Variants in AHCYL2 observed in about 807,000 individuals in gnomAD.
AHCYL2 encodes S-adenosylhomocysteine hydrolase-like protein 2.
AHCYL2 carries 28 observed loss-of-function variants against 81.4 expected under a neutral mutation model. The ratio of observed to expected loss-of-function variants is 0.34; its 90% CI spans 0.25 to 0.47. The LOEUF is 0.47. AHCYL2 is among the 20% of genes least tolerant of loss of function. The pLI is 1.00. For synonymous variants in AHCYL2, 272 were observed against 290.2 expected, an observed-to-expected ratio of 0.94 and a Z score of 0.64; for missense variants, 551 against 785.1, an observed-to-expected ratio of 0.70 and a Z score of 3.56.
chr7:129,228,923 A>G (rs1020161063), intron 1 of AHCYL2, among the ~76,000 whole-genome samples: 36 of 152,218 alleles, frequency 2.4e-4, no homozygotes, highest in African/African-American at 7.0e-4. Context: ...TAGAGTACTA[A>G]AATGGAATGT....
intron 1 of AHCYL2, among the ~76,000 whole-genome samples, chr7:129,239,777 C>G (rs911813043): frequency 6.6e-6 from 1 of 151,834 alleles, no homozygotes. Flanking sequence ...TATATAGAGA[C>G]AGACACACCG....
intron 1 of AHCYL2, among the ~76,000 whole-genome samples, chr7:129,371,859 G>A (rs137998755): frequency 6.6e-6 from 1 of 152,306 alleles, no homozygotes; most frequent in African/African-American, 2.4e-5. Flanking sequence ...TAGGTAAAGA[G>A]TTAGTTCAAG....
intron 5 of AHCYL2, among the ~76,000 whole-genome samples, chr7:129,399,585 G>C (rs978715577): frequency 6.6e-5 from 10 of 152,092 alleles, no homozygotes; most frequent in African/African-American, 2.4e-4. Context: ...AACACGTAAG[G>C]GTTTTTTTCT....
Position 129,368,284 on chromosome 7 carries a change from G to C in AHCYL2, c.364-11354G>C, listed in dbSNP as rs1170679937. The stretch of plus-strand genomic sequence containing the variant: ...TTTGAAATCAGACACAGAAGGCTTT[G>C]AAGCCGGCCAGTAAGGGGTTGTCAG... On this transcript the variant is annotated intron_variant, in intron 1 of 16. Coordinates refer to ENST00000325006, the MANE Select transcript of AHCYL2 (RefSeq NM_015328.4). The surrounding 1 kb of genome is among the most constrained non-coding windows in gnomAD (Gnocchi z 4.4). 3.5e-6 allele frequency: 5 copies of C among 1,418,840 alleles called. No homozygotes were observed. Among genetic ancestry groups the C allele is most frequent in the Non-Finnish European group, 4.6e-6 (5 of 1,087,892 alleles). 87.9% of individuals were successfully genotyped at this position (1,418,840 alleles called of 1,614,324 possible). A position where few individuals can be genotyped will look rare whatever the true frequency, so the allele number is the denominator to read the frequency against.
chr7:129,369,510 T>C (rs550584990), intron 1 of AHCYL2, among the ~76,000 whole-genome samples: 474 of 152,204 alleles, frequency 3.1e-3, no homozygotes, highest in Non-Finnish European at 5.6e-3. Flanking sequence ...GGGAGGTTAT[T>C]GCTGTTCTTC....
At chr7:129,254,622 C>T (rs1795349688) in intron 1 of AHCYL2, among the ~76,000 whole-genome samples, 1 of 152,194 alleles carries the variant, frequency 6.6e-6, no homozygotes, top group Non-Finnish European at 1.5e-5. Flanking sequence ...TCTCAATTTT[C>T]TCTCTGGCTT....
chr7:129,226,386 C>T lies in AHCYL2; in HGVS notation c.363+947C>T, dbSNP rs1584676805. On this transcript the variant is annotated intron_variant, in intron 1 of 16. Transcript: ENST00000325006. ...TTTCTCTCTTAAAGCTGAATCAGCA[C>T]AGAAAAACAGGGCAAGTATTGGAAA... Among the ~76,000 whole-genome samples, 6 of 152,254 alleles carry T rather than the reference C, an allele frequency of 3.9e-5. No homozygotes were observed. In the South Asian group the frequency reaches 1.2e-3, roughly 32 times the overall value.
chr7:129,394,218 C>T (rs1425084906), intron 4 of AHCYL2, among the ~76,000 whole-genome samples: 1 of 149,744 alleles, frequency 6.7e-6, no homozygotes, highest in Admixed American at 6.6e-5. Flanking sequence ...GCTGTGATGC[C>T]CAGGCTGGTC....
chr7:129,225,535 T>C, intron 1 of AHCYL2, 96 bp downstream of exon 1: 1 of 1,396,696 alleles, frequency 7.2e-7, no homozygotes. Flanking sequence ...CGCCCTCCTT[T>C]CTGATCGCAG....
At chr7:129,280,375 G>A (rs1270091813) in intron 1 of AHCYL2, among the ~76,000 whole-genome samples, 1 of 151,898 alleles carries the variant, frequency 6.6e-6, no homozygotes, top group Non-Finnish European at 1.5e-5. Flanking sequence ...CGCCGTGTTG[G>A]CCAGGCTGGT....
At position 129,368,423 on chromosome 7, in the gene AHCYL2, C is replaced by G. The variant is rs542653510; in HGVS notation, c.364-11215C>G. 6.2e-7 allele frequency: 1 copy of G among 1,612,190 alleles called. No individual in the cohort carries two copies. The highest frequency in any genetic ancestry group is 2.2e-5 in the East Asian group (1 of 44,852). Reference sequence around the variant, plus strand: ...CTAGGGTTGGGTCTGCTTTGGGGCACTCAGATAACCCCAGTATTTCCAAAC... The same window carrying G: ...CTAGGGTTGGGTCTGCTTTGGGGCAGTCAGATAACCCCAGTATTTCCAAAC... On this transcript the variant is annotated intron_variant, in intron 1 of 16. Transcript: ENST00000325006. This position sits in a 1 kb window ranked among gnomAD's most constrained non-coding sequence, Gnocchi z 4.4.
intron 1 of AHCYL2, among the ~76,000 whole-genome samples, chr7:129,245,856 G>A (rs1362097156): frequency 2.0e-5 from 3 of 152,116 alleles, no homozygotes; most frequent in Admixed American, 6.6e-5. Context: ...AGTTCTGTTG[G>A]TTGTATACCC....
chr7:129,351,269 T>TTATA (rs1247562090), intron 1 of AHCYL2, among the ~76,000 whole-genome samples: 2 of 152,272 alleles, frequency 1.3e-5, no homozygotes, highest in Admixed American at 6.5e-5. Flanking sequence ...GTTACAGAGA[T>TTATA]TATAGTAGGT....
chr7:129,225,055 G>A lies in AHCYL2; in HGVS notation c.-22G>A, dbSNP rs367797409. ...AAGAGCAGGAGCTGGAGTCTGAGCCGGTGGTTGCAGCGGAGGCGGTGATGT... is the reference window on the plus strand; with the variant it reads ...AAGAGCAGGAGCTGGAGTCTGAGCCAGTGGTTGCAGCGGAGGCGGTGATGT... On this transcript the variant is annotated 5_prime_UTR_variant, in exon 1 of 17. Transcript: ENST00000325006. 3.4e-5 allele frequency: 53 copies of A among 1,574,984 alleles called. No individual in the cohort carries two copies. The African/African-American group carries it at 5.0e-4, about 15-fold the overall frequency.
intron 12 of AHCYL2, among the ~76,000 whole-genome samples, chr7:129,420,165 T>C (rs1283270046): frequency 6.6e-6 from 1 of 152,208 alleles, no homozygotes; most frequent in Admixed American, 6.5e-5. Flanking sequence ...CTGGTTATTT[T>C]CTTATGTTTA....
chr7:129,379,545 T>C (rs1794851052), intron 1 of AHCYL2, 93 bp from the exon 2 acceptor site: 2 of 836,316 alleles, frequency 2.4e-6, no homozygotes, highest in Non-Finnish European at 3.8e-6. Context: ...AGATCAACTG[T>C]TAGGGAAGGT....
chr7:129,253,077 G>A (rs191005053), intron 1 of AHCYL2, among the ~76,000 whole-genome samples: 67 of 152,002 alleles, frequency 4.4e-4, no homozygotes, highest in Admixed American at 1.9e-3. Flanking sequence ...GTGTGGTGGC[G>A]GGCGCCTGTA....
chr7:129,416,915 C>T (rs1452128647), intron 12 of AHCYL2, among the ~76,000 whole-genome samples: 2 of 151,974 alleles, frequency 1.3e-5, no homozygotes, highest in East Asian at 1.9e-4. Flanking sequence ...CCCAGGAGTT[C>T]GAGGCCAGCC....
intron 1 of AHCYL2, among the ~76,000 whole-genome samples, chr7:129,261,566 A>G (rs1024531290): frequency 6.6e-6 from 1 of 152,184 alleles, no homozygotes; most frequent in African/African-American, 2.4e-5. Context: ...TGAGGTTAGC[A>G]TGATTGTTTT....
Sources: allele counts gnomAD v4.1 joint callset (sites outside exome capture counted in the v4.1 genomes callset), GRCh38; gene constraint gnomAD v4.1.1; non-coding constraint Gnocchi (gnomAD v3.1); transcripts MANE v1.5; gene names NCBI Gene and HGNC (gene_info 2026-07-23, HGNC 2026-07-21).